Variants in DKK3 observed in about 807,000 individuals in gnomAD.
The protein encoded by DKK3 is dickkopf Wnt signaling pathway inhibitor 3.
In DKK3, 22 loss-of-function variants were observed where a neutral mutation model predicts 33.2. That is an observed-to-expected ratio of 0.66 (90% CI 0.47 to 0.95). The LOEUF is 0.95. Among genes scored for constraint, DKK3 ranks in the 40% least tolerant of loss-of-function variants. The pLI is 0.00. For missense variants in DKK3, 398 were observed against 458.4 expected, an observed-to-expected ratio of 0.87 and a Z score of 1.20; for synonymous variants, 194 against 188.8, an observed-to-expected ratio of 1.03 and a Z score of -0.23.
At chr11:11,997,785 A>G (rs1848330126) in intron 3 of DKK3, among the ~76,000 whole-genome samples, 1 of 152,142 alleles carries the variant, frequency 6.6e-6, no homozygotes, top group Admixed American at 6.5e-5. Context: ...CAAGGGAAAA[A>G]ATCCATCAGC....
intron 1 of DKK3, among the ~76,000 whole-genome samples, chr11:12,003,949 C>A (rs1467373393): frequency 6.6e-6 from 1 of 152,138 alleles, no homozygotes; most frequent in Non-Finnish European, 1.5e-5. Flanking sequence ...AAAGGCTCAA[C>A]AAGGACTTAG....
chr11:11,972,396 T>A (rs1009397401), intron 3 of DKK3, among the ~76,000 whole-genome samples: 2 of 152,190 alleles, frequency 1.3e-5, no homozygotes, highest in African/African-American at 2.4e-5. Flanking sequence ...CACTCGGGGA[T>A]CAAACATCTA....
Position 11,966,980 on chromosome 11 carries a change from G to C in DKK3, c.647C>G (p.Pro216Arg). 6.2e-7 allele frequency: 1 copy of C among 1,614,042 alleles called. No individual in the cohort carries two copies. Among genetic ancestry groups the C allele is most frequent in the Admixed American group, 1.7e-5 (1 of 60,024 alleles). The change falls in exon 5 of 7, where the codon CCG (proline) becomes CGG (arginine). Residue 216 changes from proline (P) to arginine (R), a missense_variant. Transcript: ENST00000683431. ...TCTCTGGAAGGCACAGCACAGCCCCGGCTGGCAGTCCCTCTGGTTGTCACA... is the reference window on the plus strand; with the variant it reads ...TCTCTGGAAGGCACAGCACAGCCCCCGCTGGCAGTCCCTCTGGTTGTCACA... ...TICDNQRDCQ[P>R]GLCCAFQRGL...
Position 11,965,757 on chromosome 11 carries a change from T to C in DKK3, c.830+52A>G, listed in dbSNP as rs1001147373. On this transcript the variant is annotated intron_variant, in intron 6 of 6. Transcript: ENST00000683431. ...CTCCTGCTCCTACGCCCCTGCTGGA[T>C]GGCACCTCCTCAGCCCTTGGCTCCC... 1.1e-4 allele frequency: 168 copies of C among 1,588,708 alleles called. 1 individual carries two copies. The highest frequency in any genetic ancestry group is 1.3e-4 in the Non-Finnish European group (154 of 1,167,652).
At chr11:11,966,900 G>T (rs1163894762) in intron 5 of DKK3, 54 bp downstream of exon 5, 14 of 1,597,390 alleles carry the variant, frequency 8.8e-6, no homozygotes, top group Non-Finnish European at 1.2e-5. Context: ...AGGAGGTCCA[G>T]TGTGGTGGAG....
intron 5 of DKK3, among the ~76,000 whole-genome samples, chr11:11,966,431 T>C (rs1847596138): frequency 6.6e-6 from 1 of 152,144 alleles, no homozygotes. Context: ...CAACAGGAGC[T>C]GCTGCAGGTC....
rs1847499041 is a variant in DKK3, at chr11:11,963,264, T to C, written c.*1200A>G. ...CAACAGTCCATGACACCTGAAAACA[T>C]CATTTGTGGAGTGGCGTAGAGTTCA... is the stretch of plus-strand genomic sequence containing the variant. On this transcript the variant is annotated 3_prime_UTR_variant, in exon 7 of 7. Transcript: ENST00000683431. The C allele has an allele frequency of 6.6e-6, 1 of 152,580 alleles. No individual in the cohort carries two copies. The highest frequency in any genetic ancestry group is 2.4e-5 in the African/African-American group (1 of 41,440). The allele number at this position is 152,580 out of a possible 1,614,324, so 9.5% of individuals were successfully genotyped here. A position where few individuals can be genotyped will look rare whatever the true frequency, so the allele number is the denominator to read the frequency against.
At position 12,002,380 on chromosome 11, in the gene DKK3, G is replaced by C; in HGVS notation, c.271C>G (p.Pro91Ala). 6.2e-7 allele frequency: 1 copy of C among 1,613,972 alleles called. No individual in the cohort carries two copies. Among genetic ancestry groups the C allele is most frequent in the Non-Finnish European group, 8.5e-7 (1 of 1,179,996 alleles). ...ASSEVNLANL[P>A]PSYHNETNTD... ...TTGGTCTCATTGTGATAGCTGGGAG[G>C]TAAGTTTGCCAGGTTCACTTCTGAT... Residue 91 changes from proline to alanine, a missense_variant, in exon 2 of 7, where the codon CCT (proline) becomes GCT (alanine). Pro to Ala is a conservative substitution (Grantham distance 27). Transcript: ENST00000683431.
At chr11:11,979,280 C>A (rs1847905910) in intron 3 of DKK3, among the ~76,000 whole-genome samples, 1 of 152,248 alleles carries the variant, frequency 6.6e-6, no homozygotes, top group African/African-American at 2.4e-5. Context: ...GCTGTATCTG[C>A]TCAGGGCCCA....
rs117268823 is a variant in DKK3, at chr11:11,991,581, C to T, written c.435+7115G>A. Among the ~76,000 whole-genome samples, 872 of 152,070 alleles carry T rather than the reference C, an allele frequency of 5.7e-3. 7 individuals are homozygous for T. Among genetic ancestry groups the T allele is most frequent in the Non-Finnish European group, 7.8e-3 (533 of 68,010 alleles). ...CAAAAACAAAAAAACAGAAAAAAGCCTGGCACCTCTCCTCTCTCTCTCTCT... is the reference window on the plus strand; with the variant it reads ...CAAAAACAAAAAAACAGAAAAAAGCTTGGCACCTCTCCTCTCTCTCTCTCT... On this transcript the variant is annotated intron_variant, in intron 3 of 6. Transcript: ENST00000683431.
chr11:12,009,605 G>T, upstream of DKK3: 8 of 986,022 alleles, frequency 8.1e-6, no homozygotes, highest in Non-Finnish European at 9.6e-6. Flanking sequence ...GCCCACCGAG[G>T]TTGGGGGTAG....
At chr11:11,993,907 C>T (rs1407121912) in intron 3 of DKK3, among the ~76,000 whole-genome samples, 2 of 152,162 alleles carry the variant, frequency 1.3e-5, no homozygotes, top group African/African-American at 4.8e-5. Flanking sequence ...CAACCATCGC[C>T]TAGTCCCCTG....
At chr11:11,978,308 A>G in intron 3 of DKK3, among the ~76,000 whole-genome samples, 1 of 152,056 alleles carries the variant, frequency 6.6e-6, no homozygotes, top group East Asian at 1.9e-4. Context: ...GCTGGGAAGC[A>G]CTGCCCTTCC....
chr11:11,983,020 C>T (rs559104244), intron 3 of DKK3, among the ~76,000 whole-genome samples: 16 of 152,298 alleles, frequency 1.1e-4, no homozygotes, highest in Admixed American at 3.3e-4. Flanking sequence ...GAAGCGCATG[C>T]TTCTGTTTTT....
rs752072359 is a variant in DKK3 at position 12,008,361 on chromosome 11, C to A, written c.213+9G>T. 3.7e-6 allele frequency: 6 copies of A among 1,600,818 alleles called. No homozygotes were observed. The highest frequency in any genetic ancestry group is 5.1e-6 in the Non-Finnish European group (6 of 1,177,126). The stretch of plus-strand genomic sequence containing the variant: ...TTCTCAGAGCCCCGCGCCGCCAGGG[C>A]GCACCCACCTCTTCCACCGCGCTGC... On this transcript the variant is annotated intron_variant, in intron 1 of 6. Transcript: ENST00000683431. This position sits in a 1 kb window ranked among gnomAD's most constrained non-coding sequence, Gnocchi z 4.6.
rs1173072650 is a variant in DKK3 at position 12,008,319 on chromosome 11, T to G, written c.213+51A>C. ...TCTTCCATGCCTTCCCAGACTTCGC[T>G]GCCCCCAGTCTGGCGCTTCTCAGAG... On this transcript the variant is annotated intron_variant, in intron 1 of 6. Transcript: ENST00000683431. The surrounding 1 kb of genome is among the most constrained non-coding windows in gnomAD (Gnocchi z 4.6). 3 of 1,557,418 alleles carry G rather than the reference T, an allele frequency of 1.9e-6. No homozygotes were observed. Among genetic ancestry groups the G allele is most frequent in the Non-Finnish European group, 2.6e-6 (3 of 1,157,692 alleles).
chr11:11,965,999 C>G (rs543569184), intron 5 of DKK3, 34 bp from the exon 6 acceptor site: 3 of 1,587,924 alleles, frequency 1.9e-6, no homozygotes, highest in South Asian at 2.3e-5. Context: ...CTGTGTGCCC[C>G]GTGTAGGGTA....
At chr11:11,999,337 A>T (rs1324446341) in intron 2 of DKK3, among the ~76,000 whole-genome samples, 1 of 152,190 alleles carries the variant, frequency 6.6e-6, no homozygotes, top group African/African-American at 2.4e-5. Context: ...AGGCATCTCA[A>T]AGCTAAGTCT....
chr11:11,994,304 A>T (rs1848246802), intron 3 of DKK3, among the ~76,000 whole-genome samples: 1 of 152,046 alleles, frequency 6.6e-6, no homozygotes, highest in African/African-American at 2.4e-5. Flanking sequence ...AGTCTTGTGA[A>T]AGGGGGATTA....
Sources: gnomAD v4.1 joint callset for allele counts (sites outside exome capture counted in the v4.1 genomes callset) on GRCh38, gnomAD v4.1.1 for gene constraint, Gnocchi (gnomAD v3.1) non-coding constraint, MANE v1.5 for transcripts, NCBI Gene and HGNC (gene_info 2026-07-23, HGNC 2026-07-21) for gene names.